The following SLC35F4 variants were observed in gnomAD, a reference collection of about 807,000 sequenced individuals.
SLC35F4 encodes chromosome 14 open reading frame 36.
Under a neutral mutation model 44.2 loss-of-function variants are expected in SLC35F4, and 24 were observed. The observed-to-expected ratio is 0.54, with a 90% CI of 0.39 to 0.76. SLC35F4 has a LOEUF of 0.76. Ranked by LOEUF, SLC35F4 falls within the 30% of genes least tolerant of loss-of-function variation. The pLI is 0.00. For synonymous variants in SLC35F4, 238 were observed against 223.6 expected, an observed-to-expected ratio of 1.06 and a Z score of -0.57; for missense variants, 562 against 586.1, an observed-to-expected ratio of 0.96 and a Z score of 0.42.
At chr14:57,698,609 T>C (rs546896204) in intron 1 of SLC35F4, among the ~76,000 whole-genome samples, 149 of 152,178 alleles carry the variant, frequency 9.8e-4, no homozygotes, top group African/African-American at 3.5e-3. Context: ...TGAGAAAGAA[T>C]TGTATTCCAG....
chr14:57,627,258 G>A (rs1352591682), intron 1 of SLC35F4, among the ~76,000 whole-genome samples: 1 of 152,034 alleles, frequency 6.6e-6, no homozygotes, highest in Admixed American at 6.6e-5. Flanking sequence ...TGATCATTTG[G>A]ACAAAGCCCA....
intron 1 of SLC35F4, among the ~76,000 whole-genome samples, chr14:57,689,138 C>T (rs2075153058): frequency 6.6e-6 from 1 of 152,182 alleles, no homozygotes. Flanking sequence ...CAGCATTCCA[C>T]AAAATGAACT....
intron 1 of SLC35F4, chr14:57,630,044 G>T: frequency 5.6e-6 from 3 of 537,400 alleles, no homozygotes; most frequent in Non-Finnish European, 1.1e-5. Flanking sequence ...TTCTACATTC[G>T]CTGTCCAAGA....
chr14:57,672,706 A>T (rs2074558229), intron 1 of SLC35F4, among the ~76,000 whole-genome samples: 1 of 152,122 alleles, frequency 6.6e-6, no homozygotes, highest in African/African-American at 2.4e-5. Context: ...CAAAGAGAAA[A>T]AAATTCATGA....
intron 1 of SLC35F4, among the ~76,000 whole-genome samples, chr14:57,875,340 CT>C (rs1888377332): frequency 6.6e-6 from 1 of 152,216 alleles, no homozygotes; most frequent in Non-Finnish European, 1.5e-5. Flanking sequence ...CTAGGACTTA[CT>C]ACCACGGCAG....
intron 1 of SLC35F4, among the ~76,000 whole-genome samples, chr14:57,650,392 T>C (rs2073735788): frequency 6.6e-6 from 1 of 152,106 alleles, no homozygotes; most frequent in African/African-American, 2.4e-5. Context: ...GACATTTACA[T>C]CTCAACAAAT....
chr14:57,593,714 C>G (rs2070327659), intron 2 of SLC35F4, among the ~76,000 whole-genome samples: 1 of 152,184 alleles, frequency 6.6e-6, no homozygotes, highest in Admixed American at 6.5e-5. Flanking sequence ...GTTTTAGTTA[C>G]TCAACTACAG....
intron 1 of SLC35F4, among the ~76,000 whole-genome samples, chr14:57,692,158 T>C (rs894911331): frequency 3.9e-5 from 6 of 152,222 alleles, no homozygotes; most frequent in Non-Finnish European, 7.3e-5. Flanking sequence ...ATTCTCTATA[T>C]TGCATCCAAT....
intron 1 of SLC35F4, among the ~76,000 whole-genome samples, chr14:57,803,421 T>C (rs775234182): frequency 1.3e-5 from 2 of 152,018 alleles, no homozygotes; most frequent in Non-Finnish European, 2.9e-5. Context: ...CTCTCACCAC[T>C]CCTATTCAAC....
At chr14:57,963,358 C>T (rs1054303307) in intron 1 of SLC35F4, among the ~76,000 whole-genome samples, 8 of 152,170 alleles carry the variant, frequency 5.3e-5, no homozygotes, top group African/African-American at 1.9e-4. Flanking sequence ...CAGATGCAGG[C>T]ATGAGCACCC....
chr14:57,854,306 A>G (rs1402951054), intron 1 of SLC35F4, among the ~76,000 whole-genome samples: 1 of 152,160 alleles, frequency 6.6e-6, no homozygotes, highest in Non-Finnish European at 1.5e-5. Flanking sequence ...AAGTAGTTAA[A>G]TGCTTTATAA....
chr14:57,610,678 C>T (rs977599930), intron 1 of SLC35F4, among the ~76,000 whole-genome samples: 2 of 152,152 alleles, frequency 1.3e-5, no homozygotes, highest in Admixed American at 6.5e-5. Context: ...GTGTCTCCAA[C>T]ATCAATGCCT....
At chr14:57,630,525 C>G (rs1258093299) in intron 1 of SLC35F4, 3 of 1,127,188 alleles carry the variant, frequency 2.7e-6, no homozygotes, top group African/African-American at 2.9e-5. Context: ...AGAGGCACCT[C>G]AAAAATAGAT....
chr14:57,791,785 T>TA (rs963899311), intron 1 of SLC35F4, among the ~76,000 whole-genome samples: 5 of 151,990 alleles, frequency 3.3e-5, no homozygotes, highest in African/African-American at 9.7e-5. Flanking sequence ...TATGCAGCTA[T>TA]AAAAAAAGAT....
At chr14:57,588,272 C>A (rs368819503) in intron 3 of SLC35F4, among the ~76,000 whole-genome samples, 9 of 152,276 alleles carry the variant, frequency 5.9e-5, no homozygotes, top group African/African-American at 2.2e-4. Context: ...ACAGGGGCAA[C>A]CCCTGCAAGA....
intron 1 of SLC35F4, among the ~76,000 whole-genome samples, chr14:57,634,483 T>G (rs567064694): frequency 6.6e-6 from 1 of 152,070 alleles, no homozygotes; most frequent in Admixed American, 6.6e-5. Flanking sequence ...CTGAAAGATA[T>G]GAATGACAAG....
At chr14:57,730,965 A>G (rs2076328796) in intron 1 of SLC35F4, among the ~76,000 whole-genome samples, 1 of 152,234 alleles carries the variant, frequency 6.6e-6, no homozygotes, top group Non-Finnish European at 1.5e-5. Context: ...GGGCAGTGGT[A>G]GCAGTTATAG....
intron 1 of SLC35F4, among the ~76,000 whole-genome samples, chr14:57,858,784 A>T (rs1180512762): frequency 6.6e-6 from 1 of 150,748 alleles, no homozygotes; most frequent in African/African-American, 2.5e-5. Context: ...CGAAGATCAT[A>T]TGGGATATAA....
In SLC35F4 at chr14:57,707,348, G is replaced by A. The variant is rs140710983; in HGVS notation, c.104-113224C>T. ...ACTTGGTGGGAAGAGATTGGATCACGGGGGCAGTTTCACCCATGCTGTTTT... is the reference window on the plus strand; with the variant it reads ...ACTTGGTGGGAAGAGATTGGATCACAGGGGCAGTTTCACCCATGCTGTTTT... On this transcript the variant is annotated intron_variant, in intron 1 of 7. Coordinates refer to ENST00000556826, the MANE Select transcript of SLC35F4 (RefSeq NM_001306087.2). 1.2e-3 allele frequency among the ~76,000 whole-genome samples: 178 copies of A among 152,178 alleles called. 1 individual carries two copies. The highest frequency in any genetic ancestry group is 4.0e-3 in the African/African-American group (166 of 41,530).
Sources: allele counts gnomAD v4.1 joint callset (sites outside exome capture counted in the v4.1 genomes callset), GRCh38; gene constraint gnomAD v4.1.1; transcripts MANE v1.5; gene names NCBI Gene and HGNC (gene_info 2026-07-23, HGNC 2026-07-21).